Variants in ZPBP observed in about 807,000 individuals in gnomAD.
The protein encoded by ZPBP is zona pellucida-binding protein 1.
ZPBP carries 26 observed loss-of-function variants against 44.8 expected under a neutral mutation model. That is an observed-to-expected ratio of 0.58 (90% CI 0.43 to 0.81). The LOEUF is 0.81. Among genes scored for constraint, ZPBP ranks in the 30% least tolerant of loss-of-function variants. The probability of loss-of-function intolerance (pLI) is 0.00; values close to 1 mark genes in which losing one functional copy is unlikely to be tolerated. For synonymous variants in ZPBP, 174 were observed against 153.2 expected (o/e 1.14, Z -1.00); for missense variants, 409 against 434.0 (o/e 0.94, Z 0.51).
chr7:50,060,779 TGAG>T (rs1485773384), intron 3 of ZPBP, among the ~76,000 whole-genome samples: 1 of 152,060 alleles, frequency 6.6e-6, no homozygotes, highest in Non-Finnish European at 1.5e-5. Context: ...CCCAAAAAAT[TGAG>T]GAGGATCGAC....
intron 7 of ZPBP, among the ~76,000 whole-genome samples, chr7:49,970,466 C>CTTTTTTTTTTTTTTTTTTTTTTT (rs771955717): frequency 1.2e-5 from 1 of 85,200 alleles, no homozygotes; most frequent in Non-Finnish European, 2.2e-5. Flanking sequence ...GCTGAATATA[C>CTTTTTTTTTTTTTTTTTTTTTTT]TTTTTTTTTT....
At chr7:49,979,921 T>C (rs1191898486) in intron 7 of ZPBP, among the ~76,000 whole-genome samples, 12 of 119,344 alleles carry the variant, frequency 1.0e-4, no homozygotes, top group Non-Finnish European at 2.0e-4. Context: ...TCTGGATATA[T>C]ATCATATATT....
chr7:49,944,311 C>T (rs1390526481), intron 7 of ZPBP: 2 of 275,436 alleles, frequency 7.3e-6, no homozygotes, highest in Admixed American at 4.2e-5. Flanking sequence ...TTTGCCTGTA[C>T]ATATTCAGGC....
At chr7:49,857,043 A>G (rs1401890083) in intron 2 of ZPBP, among the ~76,000 whole-genome samples, 1 of 134,458 alleles carries the variant, frequency 7.4e-6, no homozygotes, top group Non-Finnish European at 1.6e-5. Context: ...AAAAAAAAAG[A>G]CGTAACATGA....
chr7:49,924,728 G>T (rs1246301830), intron 1 of ZPBP, among the ~76,000 whole-genome samples: 2 of 152,092 alleles, frequency 1.3e-5, no homozygotes, highest in African/African-American at 4.8e-5. Flanking sequence ...CATTTCTCCT[G>T]GGTTCTCCCT....
intron 1 of ZPBP, among the ~76,000 whole-genome samples, chr7:49,929,950 T>G (rs1019102077): frequency 2.0e-4 from 31 of 152,240 alleles, no homozygotes; most frequent in African/African-American, 6.0e-4. Flanking sequence ...TTTAAATTAT[T>G]TTTTCTATTA....
intron 7 of ZPBP, among the ~76,000 whole-genome samples, chr7:49,980,341 A>G (rs2128777543): frequency 7.3e-6 from 1 of 136,196 alleles, no homozygotes; most frequent in East Asian, 2.1e-4. Flanking sequence ...ATATTATATA[A>G]TACATAATAT....
chr7:50,081,845 T>G lies in ZPBP; in HGVS notation c.263A>C (p.Gln88Pro), dbSNP rs140824558. The change falls in exon 3 of 8, where the codon CAA becomes CCA. Residue 88 changes from glutamine (Q) to proline (P), a missense_variant. Physicochemically the swap from Gln to Pro is moderately conservative, Grantham distance 76. Coordinates refer to ENST00000046087, the MANE Select transcript of ZPBP (RefSeq NM_007009.3). ...QKSPHVLCVTQQLRNAELIDP... is the reference protein window; with the variant it reads ...QKSPHVLCVTPQLRNAELIDP... The stretch of plus-strand genomic sequence containing the variant: ...TATCAGTTCAGCATTTCGCAGTTGT[T>G]GCGTTACACATAACACGTGTGGACT... 4 of 1,611,636 alleles carry G rather than the reference T, an allele frequency of 2.5e-6. No homozygotes were observed. The highest frequency in any genetic ancestry group is 3.4e-6 in the Non-Finnish European group (4 of 1,178,320).
chr7:49,896,881 ATTTTTTTTTT>A (rs36066373), intron 2 of ZPBP, among the ~76,000 whole-genome samples: 2 of 95,054 alleles, frequency 2.1e-5, no homozygotes, highest in Non-Finnish European at 4.2e-5. Context: ...TGGATTGATA[ATTTTTTTTTT>A]TTTTTTTTTT....
chr7:49,875,851 T>C (rs1791393307), intron 2 of ZPBP, among the ~76,000 whole-genome samples: 1 of 152,176 alleles, frequency 6.6e-6, no homozygotes, highest in African/African-American at 2.4e-5. Context: ...GCAGGCTCCA[T>C]GAGCAAGAGA....
At chr7:49,909,973 G>A (rs1461451550) in intron 1 of ZPBP, among the ~76,000 whole-genome samples, 3 of 151,950 alleles carry the variant, frequency 2.0e-5, no homozygotes, top group Non-Finnish European at 4.4e-5. Context: ...CTCAGGTGTG[G>A]TGGTGTGCTC....
At chr7:50,068,417 GC>G (rs1315025031) in intron 3 of ZPBP, among the ~76,000 whole-genome samples, 1 of 151,276 alleles carries the variant, frequency 6.6e-6, no homozygotes, top group Non-Finnish European at 1.5e-5. Flanking sequence ...GGGTGCAGTA[GC>G]CCTTGGCCAG....
intron 5 of ZPBP, among the ~76,000 whole-genome samples, chr7:50,019,610 C>A (rs1220160261): frequency 6.6e-6 from 1 of 151,976 alleles, no homozygotes; most frequent in Non-Finnish European, 1.5e-5. Flanking sequence ...TAAAATTGAT[C>A]ATAAAAGTAT....
chr7:49,935,302 C>T (rs139446424), downstream of ZPBP, among the ~76,000 whole-genome samples: 9 of 152,136 alleles, frequency 5.9e-5, no homozygotes, highest in African/African-American at 1.7e-4. Context: ...AGTGATATAA[C>T]GAAGAACATT....
chr7:49,996,658 T>G (rs1237547235), intron 6 of ZPBP, among the ~76,000 whole-genome samples: 3 of 152,230 alleles, frequency 2.0e-5, no homozygotes, highest in Non-Finnish European at 2.9e-5. Context: ...GGTTCAAGCC[T>G]AGGAACTGAT....
At chr7:49,901,722 G>C (rs767999488) in intron 1 of ZPBP, among the ~76,000 whole-genome samples, 27 of 151,726 alleles carry the variant, frequency 1.8e-4, no homozygotes, top group Non-Finnish European at 3.0e-4. Flanking sequence ...AAAAGACCTA[G>C]AATAGCCAAC....
At chr7:50,053,146 T>C (rs779344835) in intron 4 of ZPBP, among the ~76,000 whole-genome samples, 11 of 152,136 alleles carry the variant, frequency 7.2e-5, no homozygotes, top group Non-Finnish European at 1.5e-4. Context: ...AAAATCAATA[T>C]CTTAGCTTAC....
At chr7:49,879,180 CTATAGTT>C (rs1307962722) in intron 2 of ZPBP, among the ~76,000 whole-genome samples, 1 of 152,090 alleles carries the variant, frequency 6.6e-6, no homozygotes, top group South Asian at 2.1e-4. Flanking sequence ...ACTTGATTCT[CTATAGTT>C]TTCAGTTCTC....
At chr7:49,858,229 C>T (rs1164857356) in intron 2 of ZPBP, among the ~76,000 whole-genome samples, 1 of 152,172 alleles carries the variant, frequency 6.6e-6, no homozygotes, top group East Asian at 1.9e-4. Flanking sequence ...GATTATAAAA[C>T]ATGCTGCTAT....
Sources: gnomAD v4.1 joint callset for allele counts (sites outside exome capture counted in the v4.1 genomes callset) on GRCh38, gnomAD v4.1.1 for gene constraint, MANE v1.5 for transcripts, NCBI Gene and HGNC (gene_info 2026-07-23, HGNC 2026-07-21) for gene names.